ARFGEF3: variants seen among roughly 807,000 people sequenced by gnomAD.
ARFGEF3 encodes the protein ARFGEF family member 3, also known as brefeldin A-inhibited guanine nucleotide-exchange protein 3.
Under a neutral mutation model 221.7 loss-of-function variants are expected in ARFGEF3, and 96 were observed. The observed-to-expected ratio is 0.43, with a 90% CI of 0.37 to 0.51. The LOEUF is 0.51. Among genes scored for constraint, ARFGEF3 ranks in the 20% least tolerant of loss-of-function variants. ARFGEF3 has a pLI of 0.00. For synonymous variants in ARFGEF3, 1,145 were observed against 1,126.8 expected (o/e 1.02, Z -0.32); for missense variants, 2,410 against 2,789.9 (o/e 0.86, Z 3.07).
chr6:138,289,777 T>G (rs377344393), intron 17 of ARFGEF3, 41 bp from the exon 18 acceptor site: 1 of 1,588,586 alleles, frequency 6.3e-7, no homozygotes, highest in Non-Finnish European at 8.6e-7. Context: ...TCTGTCTCCC[T>G]TACTCAACCT....
At chr6:138,193,221 T>A (rs113380064) in intron 2 of ARFGEF3, among the ~76,000 whole-genome samples, 17 of 152,330 alleles carry the variant, frequency 1.1e-4, no homozygotes, top group Middle Eastern at 3.4e-3. Flanking sequence ...CATTTGGGAA[T>A]GTCCTTTTCT....
At chr6:138,324,696 C>T (rs987473463) in intron 31 of ARFGEF3, among the ~76,000 whole-genome samples, 1 of 152,176 alleles carries the variant, frequency 6.6e-6, no homozygotes, top group African/African-American at 2.4e-5. Context: ...GTTGTCAGCT[C>T]CTGAGGAGCA....
chr6:138,244,365 A>G (rs946367590), intron 7 of ARFGEF3, among the ~76,000 whole-genome samples: 1 of 152,350 alleles, frequency 6.6e-6, no homozygotes, highest in African/African-American at 2.4e-5. Flanking sequence ...CCACATTTGT[A>G]AAGACGTTTA....
chr6:138,192,964 G>A (rs1247448073), intron 2 of ARFGEF3, among the ~76,000 whole-genome samples: 2 of 152,076 alleles, frequency 1.3e-5, no homozygotes, highest in African/African-American at 4.8e-5. Context: ...TGTAGCCAGA[G>A]TTCCATTTGG....
At chr6:138,195,734 AG>A (rs1301332814) in intron 2 of ARFGEF3, among the ~76,000 whole-genome samples, 1 of 152,238 alleles carries the variant, frequency 6.6e-6, no homozygotes, top group Non-Finnish European at 1.5e-5. Flanking sequence ...CTCCTAGAAG[AG>A]GAAACCCTAG....
In ARFGEF3 at chr6:138,335,021, C is replaced by A; in HGVS notation, c.6175C>A (p.Gln2059Lys). The A allele has an allele frequency of 6.3e-7, 1 of 1,591,892 alleles. No homozygotes were observed. The highest frequency in any genetic ancestry group is 1.1e-5 in the South Asian group (1 of 86,974). The stretch of plus-strand genomic sequence containing the variant: ...AGGAGAGCCACTGGGTCCCAGGGGC[C>A]AGGACTCCCCGCTGCTTCAGCGTCC... ...KKGEPLGPRG[Q>K]DSPLLQRPQH... The change falls in exon 33 of 34, where the codon CAG becomes AAG. Residue 2059 changes from glutamine (Q) to lysine (K), a missense_variant. Physicochemically the swap from Gln to Lys is moderately conservative, Grantham distance 53. Transcript: ENST00000251691.
At chr6:138,240,410 T>C (rs1017785780) in intron 6 of ARFGEF3, among the ~76,000 whole-genome samples, 1 of 152,216 alleles carries the variant, frequency 6.6e-6, no homozygotes, top group Non-Finnish European at 1.5e-5. Flanking sequence ...TTTAATCTTA[T>C]TTTAAAATTT....
At chr6:138,252,920 G>C (rs558641462) in intron 8 of ARFGEF3, among the ~76,000 whole-genome samples, 1 of 152,268 alleles carries the variant, frequency 6.6e-6, no homozygotes, top group South Asian at 2.1e-4. Context: ...AGTTAATCTG[G>C]ATATTAGGAA....
Position 138,162,180 on chromosome 6 carries a change from C to A in ARFGEF3, c.85+9C>A. ...CTGCACCTGGGCCCTGGGTAAGCGT[C>A]CGGCACCTGCTCGCCGCGGCGGGAG... is the stretch of plus-strand genomic sequence containing the variant. On this transcript the variant is annotated intron_variant, in intron 1 of 33. Coordinates refer to ENST00000251691, the MANE Select transcript of ARFGEF3 (RefSeq NM_020340.5). The surrounding 1 kb of genome is among the most constrained non-coding windows in gnomAD (Gnocchi z 4.7). The A allele has an allele frequency of 6.3e-7, 1 of 1,592,386 alleles. No homozygotes were observed.
chr6:138,249,389 G>A (rs943967277), intron 8 of ARFGEF3, among the ~76,000 whole-genome samples: 1 of 152,186 alleles, frequency 6.6e-6, no homozygotes, highest in East Asian at 1.9e-4. Flanking sequence ...GAGTGCAGAG[G>A]CGTGATCTGG....
In ARFGEF3 at chr6:138,341,461, A is replaced by C. The variant is rs572476608; in HGVS notation, c.*4975A>C. The C allele has an allele frequency of 1.9e-5, 3 of 154,966 alleles. No individual in the cohort carries two copies. The highest frequency in any genetic ancestry group is 4.4e-5 in the Non-Finnish European group (3 of 68,230). The allele number at this position is 154,966 out of a possible 1,614,324, so 9.6% of individuals were successfully genotyped here. ...GCAGAAGGAAAATCCAGAGTCTTGC[A>C]GTAAGCAGATGACAAAACTTCAATA... On this transcript the variant is annotated 3_prime_UTR_variant, in exon 34 of 34. Transcript: ENST00000251691.
At chr6:138,332,543 G>A (rs1485919667) in intron 32 of ARFGEF3, among the ~76,000 whole-genome samples, 4 of 152,150 alleles carry the variant, frequency 2.6e-5, no homozygotes, top group African/African-American at 9.7e-5. Context: ...AGCTTTTGGA[G>A]TCCTCTTTTT....
chr6:138,184,778 G>T (rs1777150356), intron 2 of ARFGEF3, among the ~76,000 whole-genome samples: 1 of 152,156 alleles, frequency 6.6e-6, no homozygotes, highest in Non-Finnish European at 1.5e-5. Context: ...ATTTCTTTGA[G>T]CTGGCCTCTC....
chr6:138,311,013 A>G (rs1489915313), intron 24 of ARFGEF3, among the ~76,000 whole-genome samples: 2 of 152,196 alleles, frequency 1.3e-5, no homozygotes, highest in Admixed American at 1.3e-4. Flanking sequence ...CTTTGTCATC[A>G]AAAGTCACTC....
intron 32 of ARFGEF3, among the ~76,000 whole-genome samples, chr6:138,330,100 G>T (rs1287966998): frequency 6.6e-6 from 1 of 152,142 alleles, no homozygotes. Flanking sequence ...GCAGGAACAG[G>T]CCATTTTCAC....
chr6:138,287,132 AG>A lies in ARFGEF3; in HGVS notation c.2845del (p.Glu949LysfsTer18). On this transcript the variant is annotated frameshift_variant, in exon 17 of 34. Coordinates refer to ENST00000251691, the MANE Select transcript of ARFGEF3 (RefSeq NM_020340.5). LOFTEE classifies it high-confidence loss of function. ...AQMAAASCVQ[E>X]EKEEREAQEP... ...AGATGGCAGCTGCCTCCTGTGTCCAAGAAGAAAAAGAAGAGAGGGAGGCCCA... is the reference window on the plus strand; with the variant it reads ...AGATGGCAGCTGCCTCCTGTGTCCAAAAGAAAAAGAAGAGAGGGAGGCCCA... 6.4e-7 allele frequency: 1 copy of A among 1,574,764 alleles called. No homozygotes were observed. The highest frequency in any genetic ancestry group is 8.6e-7 in the Non-Finnish European group (1 of 1,159,652).
intron 12 of ARFGEF3, among the ~76,000 whole-genome samples, chr6:138,272,892 C>T (rs375669162): frequency 9.2e-5 from 14 of 152,148 alleles, no homozygotes; most frequent in Non-Finnish European, 1.3e-4. Context: ...GCTTTTAGTA[C>T]GCTTGCAGAA....
chr6:138,332,894 G>T (rs985118145), intron 32 of ARFGEF3, among the ~76,000 whole-genome samples: 2 of 152,132 alleles, frequency 1.3e-5, no homozygotes, highest in African/African-American at 4.8e-5. Flanking sequence ...TACACAAAGG[G>T]CAAAGTTAAC....
intron 13 of ARFGEF3, among the ~76,000 whole-genome samples, chr6:138,279,537 A>C (rs1779160601): frequency 6.6e-6 from 1 of 152,220 alleles, no homozygotes; most frequent in Non-Finnish European, 1.5e-5. Flanking sequence ...GATCTACATG[A>C]AGGAAATCAA....
Sources: gnomAD v4.1 joint callset for allele counts (sites outside exome capture counted in the v4.1 genomes callset) on GRCh38, gnomAD v4.1.1 for gene constraint, Gnocchi (gnomAD v3.1) non-coding constraint, MANE v1.5 for transcripts, NCBI Gene and HGNC (gene_info 2026-07-23, HGNC 2026-07-21) for gene names.